PCDHGB3: variants seen among roughly 807,000 people sequenced by gnomAD.
PCDHGB3 encodes the protein protocadherin gamma subfamily B, 3, also known as protocadherin gamma-B3.
In PCDHGB3, 40 loss-of-function variants were observed where a neutral mutation model predicts 59.2. That is an observed-to-expected ratio of 0.68 (90% CI 0.52 to 0.88). The LOEUF (loss-of-function observed/expected upper bound fraction) is 0.88. PCDHGB3 is among the 40% of genes least tolerant of loss of function. The probability of loss-of-function intolerance (pLI) is 0.00; values close to 1 mark genes in which losing one functional copy is unlikely to be tolerated. For synonymous variants in PCDHGB3, 581 were observed against 503.6 expected (o/e 1.15, Z -2.06); for missense variants, 1,309 against 1,187.9 (o/e 1.10, Z -1.50).
In PCDHGB3 at chr5:141,382,905, G is replaced by C. The variant is rs773530372; in HGVS notation, c.2415+10096G>C. On this transcript the variant is annotated intron_variant, in intron 1 of 3. Transcript: ENST00000576222. Reference sequence around the variant, plus strand: ...GCAAGAGAAGCAGGACGACTATGGCGGCTCAGCCGAGGGGCGGGGACTACA... The same window carrying C: ...GCAAGAGAAGCAGGACGACTATGGCCGCTCAGCCGAGGGGCGGGGACTACA... 3.8e-5 allele frequency: 59 copies of C among 1,544,508 alleles called. No individual in the cohort carries two copies. The South Asian group carries it at 5.7e-4, about 15-fold the overall frequency.
rs1408248560 is a variant in PCDHGB3 at position 141,475,829 on chromosome 5, G to C, written c.2416-18978G>C. On this transcript the variant is annotated intron_variant, in intron 1 of 3. Coordinates refer to ENST00000576222, the MANE Select transcript of PCDHGB3 (RefSeq NM_018924.5). ...AAAGTGAAGTTCCTGGCGCTAGCGC[G>C]TGTCCTGCTCAGAGAGCCCGGCGCT... The C allele has an allele frequency of 1.0e-5, 4 of 386,748 alleles. No individual in the cohort carries two copies. In the South Asian group the frequency reaches 1.4e-4, roughly 14 times the overall value. The allele number at this position is 386,748 out of a possible 1,614,324, so 24.0% of individuals were successfully genotyped here. A position where few individuals can be genotyped will look rare whatever the true frequency, so the allele number is the denominator to read the frequency against.
intron 1 of PCDHGB3, among the ~76,000 whole-genome samples, chr5:141,454,836 C>T (rs1201514890): frequency 1.3e-4 from 11 of 85,100 alleles, no homozygotes; most frequent in African/African-American, 2.1e-4. Context: ...GAGACAGAGT[C>T]GCGCTCTGTC....
chr5:141,470,550 A>G (rs899475300), intron 1 of PCDHGB3, among the ~76,000 whole-genome samples: 1 of 152,120 alleles, frequency 6.6e-6, no homozygotes, highest in Non-Finnish European at 1.5e-5. Flanking sequence ...ATTTATTGAG[A>G]GTTTCCTCTG....
At chr5:141,441,325 T>C (rs961263461) in intron 1 of PCDHGB3, 1 of 152,192 alleles carries the variant, frequency 6.6e-6, no homozygotes, top group African/African-American at 2.4e-5. Flanking sequence ...AGAAAAATCT[T>C]CCTCCAATAA....
intron 1 of PCDHGB3, chr5:141,410,775 T>A: frequency 1.0e-6 from 1 of 998,978 alleles, no homozygotes. Flanking sequence ...TAGTTTTCAC[T>A]ATGTATTTGG....
chr5:141,436,501 G>A (rs1382579407), intron 1 of PCDHGB3, among the ~76,000 whole-genome samples: 1 of 152,118 alleles, frequency 6.6e-6, no homozygotes, highest in Admixed American at 6.5e-5. Context: ...TTGCAATTAG[G>A]TAAATTGTTA....
At position 141,371,065 on chromosome 5, in the gene PCDHGB3, G is replaced by GT. The variant is rs1255340966; in HGVS notation, c.672dup (p.Thr225TyrfsTer13). 4 of 1,613,804 alleles carry GT rather than the reference G, an allele frequency of 2.5e-6. No individual in the cohort carries two copies. The highest frequency in any genetic ancestry group is 2.5e-6 in the Non-Finnish European group (3 of 1,179,864). ...GATGGGGGCGAGCCCTCCAGAAGCT[G>GT]TACCACCCAGATCAGGGTAATTGTC... On this transcript the variant is annotated frameshift_variant, in exon 1 of 4. Coordinates refer to ENST00000576222, the MANE Select transcript of PCDHGB3 (RefSeq NM_018924.5). LOFTEE classifies it high-confidence loss of function.
rs764434052 is a variant in PCDHGB3, at chr5:141,431,792, C to T, written c.2415+58983C>T. ...TGTTCTGGACGTGAACGACAATGCC[C>T]CAGAAGTGGTCCTCACCTCTCTCGC... is the stretch of plus-strand genomic sequence containing the variant. On this transcript the variant is annotated intron_variant, in intron 1 of 3. Transcript: ENST00000576222. This position sits in a 1 kb window ranked among gnomAD's most constrained non-coding sequence, Gnocchi z 4.8. The T allele has an allele frequency of 3.7e-6, 6 of 1,614,234 alleles. No homozygotes were observed. The South Asian group carries it at 6.6e-5, about 18-fold the overall frequency.
chr5:141,407,947 G>C (rs910743144), intron 1 of PCDHGB3: 7 of 561,352 alleles, frequency 1.2e-5, no homozygotes, highest in South Asian at 3.4e-5. Context: ...CGCCGCTGTC[G>C]GCCAGTGCAG....
intron 1 of PCDHGB3, chr5:141,389,283 GC>G (rs775524674): frequency 6.2e-7 from 1 of 1,614,022 alleles, no homozygotes; most frequent in South Asian, 1.1e-5. Context: ...CCCGCCTGGA[GC>G]CTCTATTTCA....
chr5:141,494,740 T>C, intron 1 of PCDHGB3, 67 bp from the exon 2 acceptor site: 1 of 1,612,194 alleles, frequency 6.2e-7, no homozygotes, highest in Non-Finnish European at 8.5e-7. Context: ...GGCCCATCCC[T>C]AGGGGCTCGG....
chr5:141,409,130 G>A, intron 1 of PCDHGB3: 1 of 1,613,994 alleles, frequency 6.2e-7, no homozygotes, highest in South Asian at 1.1e-5. Context: ...ATTTGATTTT[G>A]AAGATGTAGA....
At chr5:141,427,222 A>T (rs536161247) in intron 1 of PCDHGB3, 8 of 456,774 alleles carry the variant, frequency 1.8e-5, no homozygotes, top group Non-Finnish European at 3.5e-5. Flanking sequence ...CGTAGCAGTT[A>T]TACCATGAGA....
In PCDHGB3 at chr5:141,482,773, C is replaced by A. The variant is rs2009076; in HGVS notation, c.2416-12034C>A. ...ATTATGGTATTTCATTATCACTGAA[C>A]CTTAAACTGTGTGTGTGGCCGGGTA... On this transcript the variant is annotated intron_variant, in intron 1 of 3. Coordinates refer to ENST00000576222, the MANE Select transcript of PCDHGB3 (RefSeq NM_018924.5). 9.1e-3 allele frequency among the ~76,000 whole-genome samples: 1,158 copies of A among 127,768 alleles called. 29 individuals carry two copies. Among genetic ancestry groups the A allele is most frequent in the Middle Eastern group, 0.013 (3 of 228 alleles). 83.8% of individuals were successfully genotyped at this position (127,768 alleles called of 152,430 possible). A position where few individuals can be genotyped will look rare whatever the true frequency, so the allele number is the denominator to read the frequency against.
At position 141,431,574 on chromosome 5, in the gene PCDHGB3, G is replaced by T. The variant is rs1476143491; in HGVS notation, c.2415+58765G>T. The T allele has an allele frequency of 6.2e-7, 1 of 1,614,196 alleles. No homozygotes were observed. Among genetic ancestry groups the T allele is most frequent in the Admixed American group, 1.7e-5 (1 of 60,034 alleles). On this transcript the variant is annotated intron_variant, in intron 1 of 3. Transcript: ENST00000576222. This position sits in a 1 kb window ranked among gnomAD's most constrained non-coding sequence, Gnocchi z 4.8. The stretch of plus-strand genomic sequence containing the variant: ...GTCAACGCTACCGACCCTGACGAAG[G>T]AGTCAATGCGGAAGTGAGGTATTCC...
chr5:141,410,650 T>C (rs781083173), intron 1 of PCDHGB3: 3 of 1,590,604 alleles, frequency 1.9e-6, no homozygotes, highest in Non-Finnish European at 2.6e-6. Context: ...GTGTGATTTA[T>C]CTAATAGTCT....
At chr5:141,419,093 C>T (rs1191453038) in intron 1 of PCDHGB3, 4 of 1,613,916 alleles carry the variant, frequency 2.5e-6, no homozygotes, top group South Asian at 1.1e-5. Flanking sequence ...GGCCCTGGAT[C>T]GGGAGCAGAC....
intron 1 of PCDHGB3, chr5:141,376,589 C>G: frequency 6.4e-7 from 1 of 1,568,198 alleles, no homozygotes; most frequent in Non-Finnish European, 8.7e-7. Flanking sequence ...TCAGCTAGAT[C>G]GGCTGTTATA....
intron 1 of PCDHGB3, among the ~76,000 whole-genome samples, chr5:141,437,573 G>A (rs923321760): frequency 1.3e-5 from 2 of 152,164 alleles, no homozygotes; most frequent in African/African-American, 4.8e-5. Flanking sequence ...GAGTATAGCT[G>A]TGATCATGAA....
Sources: allele counts gnomAD v4.1 joint callset (sites outside exome capture counted in the v4.1 genomes callset), GRCh38; gene constraint gnomAD v4.1.1; non-coding constraint Gnocchi (gnomAD v3.1); transcripts MANE v1.5; gene names NCBI Gene and HGNC (gene_info 2026-07-23, HGNC 2026-07-21).